METAP2: variants seen among roughly 807,000 people sequenced by gnomAD.
METAP2 encodes the protein methionine aminopeptidase 2.
A neutral mutation model predicts 59.4 loss-of-function variants in METAP2; 25 were observed. The observed-to-expected ratio is 0.42, with a 90% CI of 0.31 to 0.59. The LOEUF is 0.59. Ranked by LOEUF, METAP2 falls within the 20% of genes least tolerant of loss-of-function variation. METAP2 has a pLI of 0.16. For synonymous variants in METAP2, 214 were observed against 194.1 expected, an observed-to-expected ratio of 1.10 and a Z score of -0.85; for missense variants, 366 against 581.2, an observed-to-expected ratio of 0.63 and a Z score of 3.81.
chr12:95,504,611 T>C (rs536142184), intron 8 of METAP2, among the ~76,000 whole-genome samples: 2 of 152,196 alleles, frequency 1.3e-5, no homozygotes, highest in Non-Finnish European at 1.5e-5. Context: ...TAAGCGATCC[T>C]CCCACCTTAG....
At chr12:95,512,092 G>C in intron 9 of METAP2, 94 bp downstream of exon 9, 2 of 798,112 alleles carry the variant, frequency 2.5e-6, no homozygotes, top group Non-Finnish European at 3.9e-6. Flanking sequence ...ATACTGACCA[G>C]AATTAGCTGC....
Position 95,476,195 on chromosome 12 carries a change from A to G in METAP2, c.259+17A>G. ...ATGATGAAGGTAAATGGTTAATTTG[A>G]TCTTTGTGGTTAGAAAAGCTAGAAA... On this transcript the variant is annotated intron_variant, in intron 2 of 10. Coordinates refer to ENST00000323666, the MANE Select transcript of METAP2 (RefSeq NM_006838.4). 1 of 1,524,704 alleles carries G rather than the reference A, an allele frequency of 6.6e-7. No homozygotes were observed. Among genetic ancestry groups the G allele is most frequent in the East Asian group, 2.3e-5 (1 of 44,272 alleles). The allele number at this position is 1,524,704 out of a possible 1,614,324, so 94.4% of individuals were successfully genotyped here. A position where few individuals can be genotyped will look rare whatever the true frequency, so the allele number is the denominator to read the frequency against.
intron 2 of METAP2, among the ~76,000 whole-genome samples, chr12:95,479,376 G>A (rs968178758): frequency 1.3e-5 from 2 of 152,124 alleles, no homozygotes; most frequent in Non-Finnish European, 2.9e-5. Context: ...ACAGAATGTT[G>A]GTGCTGTTGA....
chr12:95,510,447 T>A (rs2076394180), intron 8 of METAP2, among the ~76,000 whole-genome samples: 1 of 152,122 alleles, frequency 6.6e-6, no homozygotes, highest in African/African-American at 2.4e-5. Context: ...AGAAGGGCAA[T>A]GAGAAGTTTG....
chr12:95,479,851 C>T (rs550107856), intron 2 of METAP2, among the ~76,000 whole-genome samples: 14 of 152,284 alleles, frequency 9.2e-5, no homozygotes, highest in East Asian at 7.7e-4. Context: ...TCAAGTGATC[C>T]GCCCGCCTCA....
intron 3 of METAP2, 102 bp downstream of exon 3, chr12:95,483,382 A>G: frequency 1.2e-6 from 1 of 827,916 alleles, no homozygotes; most frequent in Non-Finnish European, 1.9e-6. Flanking sequence ...AGGCTGAGGC[A>G]GGAGAATTGC....
intron 3 of METAP2, chr12:95,484,785 T>C (rs1172007138): frequency 8.9e-6 from 4 of 447,024 alleles, no homozygotes; most frequent in African/African-American, 8.2e-5. Flanking sequence ...CTCAGAACCA[T>C]TGTGACCTGT....
Position 95,479,201 on chromosome 12 carries a change from C to A in METAP2, c.259+3023C>A, listed in dbSNP as rs570755904. On this transcript the variant is annotated intron_variant, in intron 2 of 10. Transcript: ENST00000323666. ...CATTTTGGAGGCCTCTTAGAAATAG[C>A]CCAGGCATATGGTAATGAAGATGTA... Among the ~76,000 whole-genome samples the A allele has an allele frequency of 3.3e-5, 5 of 152,242 alleles. No individual in the cohort carries two copies. The South Asian group carries it at 1.0e-3, about 32-fold the overall frequency.
At chr12:95,478,721 T>G (rs1247724185) in intron 2 of METAP2, among the ~76,000 whole-genome samples, 1 of 152,050 alleles carries the variant, frequency 6.6e-6, no homozygotes, top group African/African-American at 2.4e-5. Flanking sequence ...TGTAATAAAA[T>G]TTATTGAAAT....
intron 7 of METAP2, among the ~76,000 whole-genome samples, chr12:95,498,266 C>T (rs1367152372): frequency 1.3e-5 from 2 of 152,086 alleles, no homozygotes; most frequent in Admixed American, 1.3e-4. Context: ...CCACCCTGCC[C>T]AGCTCTTTGC....
chr12:95,511,389 G>GTTTTTTT lies in METAP2; in HGVS notation c.965-488_965-482dup, dbSNP rs11301070. On this transcript the variant is annotated intron_variant, in intron 8 of 10. Coordinates refer to ENST00000323666, the MANE Select transcript of METAP2 (RefSeq NM_006838.4). Reference sequence around the variant, plus strand: ...TTCTTCCATCCTCCCTTCTAGCACCGTTTTTTTTTTTTTTTTTTTTTTTTG... The same window carrying GTTTTTTT: ...TTCTTCCATCCTCCCTTCTAGCACCGTTTTTTTTTTTTTTTTTTTTTTTTTTTTTTTG... Among the ~76,000 whole-genome samples, 63 of 61,132 alleles carry GTTTTTTT rather than the reference G, an allele frequency of 1.0e-3. 2 individuals are homozygous for GTTTTTTT. Among genetic ancestry groups the GTTTTTTT allele is most frequent in the East Asian group, 1.7e-3 (3 of 1,752 alleles). 40.1% of individuals were successfully genotyped at this position (61,132 alleles called of 152,430 possible).
At chr12:95,474,536 GAA>G (rs2076103369) in intron 1 of METAP2, among the ~76,000 whole-genome samples, 1 of 152,192 alleles carries the variant, frequency 6.6e-6, no homozygotes, top group Non-Finnish European at 1.5e-5. Flanking sequence ...TGGTGGGGGA[GAA>G]AAGAGTGCCT....
intron 9 of METAP2, 87 bp from the exon 10 acceptor site, chr12:95,512,710 CAAAA>C: frequency 1.4e-6 from 1 of 736,176 alleles, no homozygotes; most frequent in South Asian, 1.8e-5. Flanking sequence ...GACTCTGTCT[CAAAA>C]AGAGAGAGAG....
chr12:95,485,740 T>TCTTC, intron 3 of METAP2, 139 bp from the exon 4 acceptor site: 1 of 585,892 alleles, frequency 1.7e-6, no homozygotes, highest in African/African-American at 1.9e-5. Flanking sequence ...TGATGAAGTG[T>TCTTC]CTTCTGCTTT....
rs771624970 is a variant in METAP2 at position 95,504,157 on chromosome 12, T to C, written c.960T>C (p.Tyr320=). 6.3e-6 allele frequency: 10 copies of C among 1,583,736 alleles called. No individual in the cohort carries two copies. The South Asian group carries it at 1.0e-4, about 16-fold the overall frequency. Residue 320 remains tyrosine, a synonymous_variant, in exon 8 of 11, where the codon TAT becomes TAC. Coordinates refer to ENST00000323666, the MANE Select transcript of METAP2 (RefSeq NM_006838.4). The part of the protein sequence containing the change: ...SYEVEIDGKT[Y]QVKPIRNLNG... ...AAGTTGAAATAGATGGGAAGACATA[T>C]CAAGGTATGTTCTTTTAAAATATAT... is the stretch of plus-strand genomic sequence containing the variant.
chr12:95,513,588 T>A (rs1163221633), intron 10 of METAP2, 64 bp from the exon 11 acceptor site: 1 of 1,549,472 alleles, frequency 6.5e-7, no homozygotes, highest in Non-Finnish European at 8.7e-7. Flanking sequence ...TGGGCTTTTC[T>A]TAATGAGGGA....
At chr12:95,513,422 G>A (rs541667224) in intron 10 of METAP2, among the ~76,000 whole-genome samples, 1 of 152,232 alleles carries the variant, frequency 6.6e-6, no homozygotes, top group East Asian at 1.9e-4. Flanking sequence ...GCGCGCGCAC[G>A]TAGACACGTA....
At chr12:95,489,834 G>A (rs1030955604) in intron 4 of METAP2, among the ~76,000 whole-genome samples, 3 of 152,064 alleles carry the variant, frequency 2.0e-5, no homozygotes, top group African/African-American at 7.2e-5. Context: ...GTGAAACTCT[G>A]TCTCAGAAAA....
chr12:95,482,765 C>G (rs1330583346), intron 2 of METAP2, among the ~76,000 whole-genome samples: 2 of 152,102 alleles, frequency 1.3e-5, no homozygotes, highest in African/African-American at 2.4e-5. Flanking sequence ...GCACTCCAGC[C>G]TGGGCAACAG....
Sources: gnomAD v4.1 joint callset for allele counts (sites outside exome capture counted in the v4.1 genomes callset) on GRCh38, gnomAD v4.1.1 for gene constraint, MANE v1.5 for transcripts, NCBI Gene and HGNC (gene_info 2026-07-23, HGNC 2026-07-21) for gene names.